The following NAALADL2 variants were observed in gnomAD, a reference collection of about 807,000 sequenced individuals.
NAALADL2 encodes the protein N-acetylated alpha-linked acidic dipeptidase like 2, also known as inactive N-acetylated-alpha-linked acidic dipeptidase-like protein 2.
In NAALADL2, 76 loss-of-function variants were observed where a neutral mutation model predicts 87.2. The ratio of observed to expected loss-of-function variants is 0.87; its 90% CI spans 0.72 to 1.05. NAALADL2 has a LOEUF of 1.05. Ranked by LOEUF, NAALADL2 falls within the 50% of genes least tolerant of loss-of-function variation. The pLI is 0.00. For synonymous variants in NAALADL2, 354 were observed against 331.0 expected (o/e 1.07, Z -0.75); for missense variants, 1,089 against 945.8 (o/e 1.15, Z -1.99).
chr3:175,213,466 C>A (rs1742059955), intron 2 of NAALADL2, among the ~76,000 whole-genome samples: 1 of 152,076 alleles, frequency 6.6e-6, no homozygotes, highest in Middle Eastern at 3.2e-3. Flanking sequence ...TGGAGATATT[C>A]ATGGGAAATT....
chr3:175,388,454 A>G (rs1164134247), intron 5 of NAALADL2, among the ~76,000 whole-genome samples: 2 of 152,148 alleles, frequency 1.3e-5, no homozygotes, highest in Non-Finnish European at 2.9e-5. Context: ...GCCATAAAAT[A>G]CAAAAATCGA....
At chr3:174,940,553 T>C (rs76938513) in intron 1 of NAALADL2, among the ~76,000 whole-genome samples, 6,248 of 152,176 alleles carry the variant, frequency 0.041, 427 homozygotes, top group African/African-American at 0.14. Context: ...GTCCCTCCTC[T>C]TCAATTTTTT....
intron 2 of NAALADL2, among the ~76,000 whole-genome samples, chr3:174,648,005 TA>T (rs1321556493): frequency 1.3e-5 from 2 of 152,140 alleles, no homozygotes; most frequent in African/African-American, 4.8e-5. Context: ...ACACAAAAGT[TA>T]AAGGGTATTA....
At chr3:175,344,663 G>C (rs1023362208) in intron 5 of NAALADL2, among the ~76,000 whole-genome samples, 3 of 151,896 alleles carry the variant, frequency 2.0e-5, no homozygotes, top group African/African-American at 7.3e-5. Context: ...TGAAAGCACT[G>C]TTCCCTGCCT....
At chr3:175,762,192 AT>A (rs55668165) in intron 13 of NAALADL2, among the ~76,000 whole-genome samples, 19 of 114,134 alleles carry the variant, frequency 1.7e-4, no homozygotes, top group Non-Finnish European at 2.4e-4. Flanking sequence ...CTGTGTTTCG[AT>A]TTTTTTTTTT....
chr3:175,540,737 T>C (rs1712169324), intron 9 of NAALADL2, among the ~76,000 whole-genome samples: 1 of 151,938 alleles, frequency 6.6e-6, no homozygotes, highest in South Asian at 2.1e-4. Context: ...TCCAAAATAC[T>C]AGTGAAAGAG....
At chr3:174,707,056 A>G (rs1159875552) in intron 2 of NAALADL2, among the ~76,000 whole-genome samples, 1 of 152,180 alleles carries the variant, frequency 6.6e-6, no homozygotes, top group South Asian at 2.1e-4. Context: ...GCTCATCATC[A>G]CTGGCCATCA....
chr3:174,963,325 G>T (rs868148846), intron 1 of NAALADL2, among the ~76,000 whole-genome samples: 21 of 152,152 alleles, frequency 1.4e-4, no homozygotes, highest in Middle Eastern at 3.4e-3. Context: ...TAACATACCT[G>T]TGGTTATTTA....
intron 6 of NAALADL2, among the ~76,000 whole-genome samples, chr3:175,448,749 T>C (rs1015194228): frequency 6.6e-6 from 1 of 152,226 alleles, no homozygotes; most frequent in African/African-American, 2.4e-5. Flanking sequence ...TGCTCTGTCA[T>C]CAGGGCTAGA....
At position 174,515,476 on chromosome 3, in the gene NAALADL2, T is replaced by C. The variant is rs117618939; in HGVS notation, c.-183-35093T>C. Among the ~76,000 whole-genome samples the C allele has an allele frequency of 1.7e-3, 254 of 152,194 alleles. 6 individuals are homozygous for C. In the East Asian group the frequency reaches 0.033, roughly 20 times the overall value. On this transcript the variant is annotated intron_variant, in intron 1 of 3. Transcript: ENST00000434257. ...CTGCTAGTTAATTACATTATAGCTT[T>C]CAGTATGTGTTTTCATTATAAACTA...
chr3:175,260,722 A>T (rs775660104), intron 4 of NAALADL2, among the ~76,000 whole-genome samples: 1 of 152,188 alleles, frequency 6.6e-6, no homozygotes, highest in African/African-American at 2.4e-5. Flanking sequence ...GCTGTGCAGT[A>T]GTTACTAAAT....
At chr3:175,279,723 A>T (rs1418111657) in intron 4 of NAALADL2, among the ~76,000 whole-genome samples, 1 of 151,720 alleles carries the variant, frequency 6.6e-6, no homozygotes, top group Non-Finnish European at 1.5e-5. Flanking sequence ...GGCCAGCATG[A>T]TTTTTAAAAA....
chr3:175,132,207 C>T (rs1396393650), intron 2 of NAALADL2, among the ~76,000 whole-genome samples: 24 of 69,644 alleles, frequency 3.4e-4, no homozygotes, highest in South Asian at 1.6e-3. Flanking sequence ...CCAGTAGGGG[C>T]GGCCGGGCAG....
chr3:175,208,040 C>T (rs1741203662), intron 2 of NAALADL2, among the ~76,000 whole-genome samples: 1 of 151,996 alleles, frequency 6.6e-6, no homozygotes, highest in Non-Finnish European at 1.5e-5. Flanking sequence ...AGAAAGGAAG[C>T]AAAAATAGCC....
intron 11 of NAALADL2, among the ~76,000 whole-genome samples, chr3:175,644,470 G>T (rs994157228): frequency 1.3e-5 from 2 of 151,970 alleles, no homozygotes; most frequent in Non-Finnish European, 2.9e-5. Flanking sequence ...GGCACAATTT[G>T]CATTTTTCAA....
chr3:175,507,900 A>G (rs920436697), intron 9 of NAALADL2, among the ~76,000 whole-genome samples: 4 of 152,150 alleles, frequency 2.6e-5, no homozygotes, highest in Admixed American at 6.5e-5. Context: ...TTGCATTGAT[A>G]TAAAGAAATA....
intron 1 of NAALADL2, among the ~76,000 whole-genome samples, chr3:175,078,860 A>C (rs907752918): frequency 6.6e-6 from 1 of 152,142 alleles, no homozygotes; most frequent in Non-Finnish European, 1.5e-5. Flanking sequence ...CAGTTGTTTC[A>C]ACTTTTTGGC....
At chr3:175,459,697 T>G (rs1722827345) in intron 6 of NAALADL2, among the ~76,000 whole-genome samples, 1 of 152,164 alleles carries the variant, frequency 6.6e-6, no homozygotes, top group Non-Finnish European at 1.5e-5. Flanking sequence ...CTCTAGGTTT[T>G]AATTCCACCA....
chr3:175,711,748 A>G (rs1365436405), intron 11 of NAALADL2, among the ~76,000 whole-genome samples: 1 of 151,944 alleles, frequency 6.6e-6, no homozygotes, highest in Non-Finnish European at 1.5e-5. Context: ...AAGCTAAACC[A>G]GAGTAACTAG....
Sources: allele counts gnomAD v4.1 joint callset (sites outside exome capture counted in the v4.1 genomes callset), GRCh38; gene constraint gnomAD v4.1.1; transcripts MANE v1.5; gene names NCBI Gene and HGNC (gene_info 2026-07-23, HGNC 2026-07-21).